NLGN4Y: variants seen among roughly 807,000 people sequenced by gnomAD.
NLGN4Y encodes neuroligin 4 Y-linked.
Under a neutral mutation model 8.4 loss-of-function variants are expected in NLGN4Y, and 4 were observed. The ratio of observed to expected loss-of-function variants is 0.48; its 90% CI spans 0.23 to 1.09. The LOEUF (loss-of-function observed/expected upper bound fraction) is 1.09, where lower values mean the gene tolerates loss of function less well. Ranked by LOEUF, NLGN4Y falls within the 50% of genes least tolerant of loss-of-function variation. The pLI is 0.19. For synonymous variants in NLGN4Y, 35 were observed against 75.6 expected, an observed-to-expected ratio of 0.46 and a Z score of 2.78; for missense variants, 90 against 192.3, an observed-to-expected ratio of 0.47 and a Z score of 3.15.
chrY:14,554,281 A>T, intron 1 of NLGN4Y, among the ~76,000 whole-genome samples: 1 of 21,173 alleles, frequency 4.7e-5, no homozygotes, highest in Non-Finnish European at 9.6e-5. Flanking sequence ...ATCATAGCTC[A>T]CTGCAGCTTT....
At chrY:14,830,597 G>A in intron 6 of NLGN4Y, 78 bp downstream of exon 6, 1 of 290,544 alleles carries the variant, frequency 3.4e-6, no homozygotes, top group East Asian at 9.6e-5. Context: ...GCTTCTACCG[G>A]CATGTGCAGG....
chrY:14,769,868 G>A (rs1034306945), intron 4 of NLGN4Y, among the ~76,000 whole-genome samples: 3 of 32,989 alleles, frequency 9.1e-5, no homozygotes, highest in African/African-American at 2.4e-4. Flanking sequence ...GTGTGGGGAG[G>A]GGCGCCTGCC....
At chrY:14,788,620 A>T (rs2042975901) in intron 4 of NLGN4Y, among the ~76,000 whole-genome samples, 1 of 32,912 alleles carries the variant, frequency 3.0e-5, no homozygotes, top group Non-Finnish European at 7.5e-5. Context: ...TTGTTCTGTC[A>T]CTGTTTTCTT....
intron 1 of NLGN4Y, among the ~76,000 whole-genome samples, chrY:14,547,512 G>T: frequency 5.9e-5 from 2 of 33,785 alleles, no homozygotes; most frequent in African/African-American, 2.3e-4. Context: ...TAGCTTAGGA[G>T]CTGCATAGAA....
chrY:14,639,708 G>T, intron 2 of NLGN4Y: 5 of 150,230 alleles, frequency 3.3e-5, no homozygotes, highest in Non-Finnish European at 1.3e-5. Flanking sequence ...GCCTGTGTTT[G>T]CAGTGACTGG....
At chrY:14,828,936 T>C in intron 5 of NLGN4Y, among the ~76,000 whole-genome samples, 1 of 32,764 alleles carries the variant, frequency 3.1e-5, no homozygotes, top group Admixed American at 2.8e-4. Context: ...TTTTAAGCTA[T>C]ACAGAATTTT....
At chrY:14,675,947 C>T (rs989980415) in intron 2 of NLGN4Y, among the ~76,000 whole-genome samples, 9 of 33,282 alleles carry the variant, frequency 2.7e-4, no homozygotes, top group African/African-American at 1.1e-3. Flanking sequence ...CACACCATAG[C>T]AAAATCCATT....
intron 1 of NLGN4Y, among the ~76,000 whole-genome samples, chrY:14,612,142 T>C: frequency 5.9e-5 from 2 of 33,725 alleles, no homozygotes; most frequent in African/African-American, 1.2e-4. Flanking sequence ...CTATATCATG[T>C]CATTTATATT....
intron 6 of NLGN4Y, among the ~76,000 whole-genome samples, chrY:14,834,003 TAAAAAAA>T (rs1197649820): frequency 5.4e-5 from 1 of 18,414 alleles, no homozygotes; most frequent in African/African-American, 2.2e-4. Flanking sequence ...ATGTCACTAT[TAAAAAAA>T]AAAAAAAAGA....
intron 4 of NLGN4Y, among the ~76,000 whole-genome samples, chrY:14,739,758 C>CATT (rs2081001359): frequency 1.9e-4 from 6 of 31,337 alleles, no homozygotes; most frequent in Admixed American, 1.8e-3. Flanking sequence ...GTCACTGTTC[C>CATT]ATTATTATTA....
At chrY:14,654,779 T>C (rs775657077) in intron 2 of NLGN4Y, among the ~76,000 whole-genome samples, 1 of 32,714 alleles carries the variant, frequency 3.1e-5, no homozygotes, top group Non-Finnish European at 7.5e-5. Flanking sequence ...TCTCAACTCT[T>C]TGGCATCTCT....
In NLGN4Y at chrY:14,842,591, G is replaced by C. The variant is rs1186052820; in HGVS notation, c.*1329G>C. Reference sequence around the variant, plus strand: ...TAGTCCCTTATGTATCAGTAAACAGGTTTTTAAAAATCTTTTATGTCATTT... The same window carrying C: ...TAGTCCCTTATGTATCAGTAAACAGCTTTTTAAAAATCTTTTATGTCATTT... On this transcript the variant is annotated 3_prime_UTR_variant, in exon 7 of 7. Transcript: ENST00000684976. The C allele has an allele frequency of 8.2e-6, 1 of 121,632 alleles. No individual in the cohort carries two copies. The highest frequency in any genetic ancestry group is 1.0e-4 in the Admixed American group (1 of 9,864). The allele number at this position is 121,632 out of a possible 400,897, so 30.3% of individuals were successfully genotyped here. A position where few individuals can be genotyped will look rare whatever the true frequency, so the allele number is the denominator to read the frequency against.
At chrY:14,792,851 AGTGTGTGTGTGTGTGTGTGT>A (rs1569375425) in intron 4 of NLGN4Y, among the ~76,000 whole-genome samples, 14 of 9,102 alleles carry the variant, frequency 1.5e-3, no homozygotes, top group African/African-American at 6.7e-3. Context: ...AGAGAGAGAG[AGTGTGTGTGTGTGTGTGTGT>A]GTGTGTGTGT....
intron 6 of NLGN4Y, among the ~76,000 whole-genome samples, chrY:14,838,482 A>G: frequency 3.0e-5 from 1 of 32,792 alleles, no homozygotes; most frequent in African/African-American, 1.2e-4. Flanking sequence ...TGCATATAGT[A>G]TATGGTTAGT....
chrY:14,545,787 AG>A (rs2080170594), intron 1 of NLGN4Y, among the ~76,000 whole-genome samples: 1 of 33,410 alleles, frequency 3.0e-5, no homozygotes, highest in Non-Finnish European at 7.4e-5. Context: ...TCGTTTAATT[AG>A]ATCCCATTTG....
chrY:14,706,088 T>G, intron 2 of NLGN4Y, among the ~76,000 whole-genome samples: 1 of 33,488 alleles, frequency 3.0e-5, no homozygotes, highest in African/African-American at 1.2e-4. Flanking sequence ...AACAGTTCAG[T>G]ATAGCATTGA....
chrY:14,562,500 GTTC>G (rs2080233275), intron 1 of NLGN4Y, among the ~76,000 whole-genome samples: 2 of 33,370 alleles, frequency 6.0e-5, no homozygotes, highest in African/African-American at 2.3e-4. Context: ...CTCTATCTTT[GTTC>G]TTCTTGCTCA....
intron 4 of NLGN4Y, among the ~76,000 whole-genome samples, chrY:14,821,305 A>C: frequency 3.0e-5 from 1 of 33,521 alleles, no homozygotes; most frequent in Non-Finnish European, 7.4e-5. Flanking sequence ...TTTACTGTGA[A>C]GAGTGAAAGA....
At chrY:14,831,659 C>T (rs2043179752) in intron 6 of NLGN4Y, among the ~76,000 whole-genome samples, 1 of 29,778 alleles carries the variant, frequency 3.4e-5, no homozygotes, top group Non-Finnish European at 7.9e-5. Flanking sequence ...ATACAAACAA[C>T]TACAAATATA....
Sources: gnomAD v4.1 joint callset for allele counts (sites outside exome capture counted in the v4.1 genomes callset) on GRCh38, gnomAD v4.1.1 for gene constraint, MANE v1.5 for transcripts, NCBI Gene and HGNC (gene_info 2026-07-23, HGNC 2026-07-21) for gene names.